AGO3: variants seen among roughly 807,000 people sequenced by gnomAD.
The protein encoded by AGO3 is protein argonaute-3.
AGO3 carries 16 observed loss-of-function variants against 105.5 expected under a neutral mutation model. That is an observed-to-expected ratio of 0.15 (90% confidence interval 0.10 to 0.23). AGO3 has a LOEUF of 0.23. AGO3 is among the 10% of genes least tolerant of loss of function. The probability of loss-of-function intolerance (pLI) is 1.00; values close to 1 mark genes in which losing one functional copy is unlikely to be tolerated. For synonymous variants in AGO3, 340 were observed against 367.3 expected (o/e 0.93, Z 0.85); for missense variants, 534 against 1,088.0 (o/e 0.49, Z 7.16).
intron 1 of AGO3, among the ~76,000 whole-genome samples, chr1:35,932,241 T>C (rs1646064627): frequency 6.6e-6 from 1 of 152,218 alleles, no homozygotes; most frequent in Non-Finnish European, 1.5e-5. Context: ...AGTAATTAAT[T>C]CAGGGACAGA....
At chr1:36,039,189 T>G (rs1289943860) in intron 14 of AGO3, among the ~76,000 whole-genome samples, 2 of 152,154 alleles carry the variant, frequency 1.3e-5, no homozygotes, top group African/African-American at 2.4e-5. Flanking sequence ...TACTATTCTT[T>G]TTAATTTTTT....
intron 11 of AGO3, among the ~76,000 whole-genome samples, chr1:36,026,803 G>T (rs1231640722): frequency 6.6e-6 from 1 of 152,184 alleles, no homozygotes; most frequent in East Asian, 1.9e-4. Flanking sequence ...AAATTTCATA[G>T]TAGTATGTAG....
intron 5 of AGO3, among the ~76,000 whole-genome samples, chr1:35,989,983 A>G (rs1189359150): frequency 1.3e-5 from 2 of 152,192 alleles, no homozygotes; most frequent in Non-Finnish European, 2.9e-5. Context: ...TAAGCATTTT[A>G]TATTAATTAT....
chr1:36,035,036 C>T (rs1454666151), intron 13 of AGO3, among the ~76,000 whole-genome samples: 1 of 152,096 alleles, frequency 6.6e-6, no homozygotes, highest in Non-Finnish European at 1.5e-5. Flanking sequence ...GCAATTAGGC[C>T]TCAAAAAAGT....
chr1:36,004,416 A>T lies in AGO3; in HGVS notation c.734A>T (p.Asp245Val), dbSNP rs769683388. 1 of 1,608,926 alleles carries T rather than the reference A, an allele frequency of 6.2e-7. No individual in the cohort carries two copies. The highest frequency in any genetic ancestry group is 8.5e-7 in the Non-Finnish European group (1 of 1,176,596). ...MCEVLDIHNI[D>V]EQPRPLTDSH... The stretch of plus-strand genomic sequence containing the variant: ...GAAGTTCTTGATATTCATAATATTG[A>T]TGAGCAACCAAGACCTCTGACTGAT... Residue 245 changes from aspartate to valine, a missense_variant, in exon 6 of 19, where the codon GAT becomes GTT. Transcript: ENST00000373191.
chr1:35,975,656 A>G (rs1394996286), intron 5 of AGO3, among the ~76,000 whole-genome samples: 2 of 152,078 alleles, frequency 1.3e-5, no homozygotes, highest in Non-Finnish European at 2.9e-5. Flanking sequence ...ATCTGATAGG[A>G]CTAGTCCCAT....
At chr1:35,974,173 T>C (rs901848679) in intron 5 of AGO3, among the ~76,000 whole-genome samples, 3 of 152,214 alleles carry the variant, frequency 2.0e-5, no homozygotes, top group African/African-American at 7.2e-5. Flanking sequence ...TTATCATATG[T>C]AGGAAAATTA....
At chr1:36,011,511 C>G (rs1168300735) in intron 9 of AGO3, among the ~76,000 whole-genome samples, 1 of 152,090 alleles carries the variant, frequency 6.6e-6, no homozygotes, top group African/African-American at 2.4e-5. Context: ...AGACCTCTTA[C>G]TTTGTCTATA....
intron 10 of AGO3, 50 bp from the exon 11 acceptor site, chr1:36,013,865 T>C: frequency 1.2e-6 from 2 of 1,601,678 alleles, no homozygotes; most frequent in Non-Finnish European, 1.7e-6. Context: ...TTTCTGTTTA[T>C]TGAAAATTTT....
chr1:35,950,584 T>A (rs2148754543), intron 2 of AGO3, among the ~76,000 whole-genome samples: 1 of 152,302 alleles, frequency 6.6e-6, no homozygotes, highest in East Asian at 1.9e-4. Context: ...CTTTCCTTCC[T>A]TCTTTTCCCC....
intron 2 of AGO3, among the ~76,000 whole-genome samples, chr1:35,956,848 G>C (rs1646575923): frequency 6.6e-6 from 1 of 151,354 alleles, no homozygotes; most frequent in South Asian, 2.1e-4. Context: ...GGGTTTCACT[G>C]TGATGCCCAC....
intron 12 of AGO3, 128 bp from the exon 13 acceptor site, chr1:36,034,046 G>A: frequency 1.2e-6 from 1 of 834,828 alleles, no homozygotes; most frequent in Non-Finnish European, 1.7e-6. Context: ...TACTGTATTG[G>A]CATAATTTTT....
intron 17 of AGO3, among the ~76,000 whole-genome samples, chr1:36,049,247 C>T (rs923165551): frequency 6.6e-6 from 1 of 152,082 alleles, no homozygotes; most frequent in African/African-American, 2.4e-5. Context: ...GGGCTGGGTG[C>T]AGTGGCTCAC....
In AGO3 at chr1:36,067,092, A is replaced by G. The variant is rs1643105282; in HGVS notation, c.*11347A>G. The stretch of plus-strand genomic sequence containing the variant: ...TCCTTAAATAGGGCCAGGCATTGCT[A>G]TCAACATAGTGTCTTTGGTTTTCCC... On this transcript the variant is annotated 3_prime_UTR_variant, in exon 19 of 19. Coordinates refer to ENST00000373191, the MANE Select transcript of AGO3 (RefSeq NM_024852.4). 1 of 152,246 alleles carries G rather than the reference A, an allele frequency of 6.6e-6. No individual in the cohort carries two copies. The highest frequency in any genetic ancestry group is 1.5e-5 in the Non-Finnish European group (1 of 68,046). 9.4% of individuals were successfully genotyped at this position (152,246 alleles called of 1,614,324 possible).
intron 9 of AGO3, among the ~76,000 whole-genome samples, chr1:36,010,820 C>T (rs757630837): frequency 4.0e-5 from 6 of 149,444 alleles, no homozygotes; most frequent in East Asian, 2.0e-4. Context: ...GCAGGAGAAT[C>T]GCTTGAACCC....
At chr1:35,990,305 A>G (rs949087768) in intron 5 of AGO3, among the ~76,000 whole-genome samples, 2 of 152,220 alleles carry the variant, frequency 1.3e-5, no homozygotes, top group African/African-American at 2.4e-5. Context: ...TCAGGAGATC[A>G]AGACCATCCT....
intron 13 of AGO3, among the ~76,000 whole-genome samples, chr1:36,034,654 A>G (rs1020345844): frequency 1.3e-5 from 2 of 152,236 alleles, no homozygotes. Context: ...ATTTTCATTT[A>G]GTATGCAAAG....
At chr1:35,957,941 C>G (rs1571430832) in intron 2 of AGO3, among the ~76,000 whole-genome samples, 2 of 151,632 alleles carry the variant, frequency 1.3e-5, no homozygotes, top group African/African-American at 4.9e-5. Context: ...TGGTGTACAC[C>G]TATAGTCCTA....
chr1:35,939,601 ACTT>A (rs1357252860), intron 1 of AGO3, among the ~76,000 whole-genome samples: 1 of 152,112 alleles, frequency 6.6e-6, no homozygotes, highest in East Asian at 1.9e-4. Context: ...TGAACCTAAA[ACTT>A]CCCTAAAATA....
Sources: gnomAD v4.1 joint callset for allele counts (sites outside exome capture counted in the v4.1 genomes callset) on GRCh38, gnomAD v4.1.1 for gene constraint, MANE v1.5 for transcripts, NCBI Gene and HGNC (gene_info 2026-07-23, HGNC 2026-07-21) for gene names.